The following EYS variants were observed in gnomAD, a reference collection of about 807,000 sequenced individuals.
EYS encodes the protein EGF-like photoreceptor maintenance factor.
Under a neutral mutation model 282.1 loss-of-function variants are expected in EYS, and 250 were observed. The observed-to-expected ratio is 0.89, with a 90% CI of 0.80 to 0.98. EYS has a LOEUF of 0.98. EYS is among the 50% of genes least tolerant of loss of function. The pLI, the probability that EYS is intolerant of heterozygous loss-of-function variation, is 0.00. For synonymous variants in EYS, 1,355 were observed against 1,282.9 expected (o/e 1.06, Z -1.20); for missense variants, 4,016 against 3,709.0 (o/e 1.08, Z -2.15).
rs560041695 is a variant in EYS at position 64,037,722 on chromosome 6, G to A, written c.6725+28616C>T. Among the ~76,000 whole-genome samples the A allele has an allele frequency of 8.5e-5, 13 of 152,196 alleles. No individual in the cohort carries two copies. The South Asian group carries it at 1.7e-3, about 19-fold the overall frequency. The stretch of plus-strand genomic sequence containing the variant: ...TGCAGATGAGATGCTAGGTTGCTAC[G>A]GATTTACTAGCTATTCCATCTGTCA... On this transcript the variant is annotated intron_variant, in intron 33 of 42. Coordinates refer to ENST00000503581, the MANE Select transcript of EYS (RefSeq NM_001142800.2).
intron 41 of EYS, among the ~76,000 whole-genome samples, chr6:63,753,528 T>G (rs1012683678): frequency 6.6e-6 from 1 of 152,160 alleles, no homozygotes; most frequent in Admixed American, 6.6e-5. Flanking sequence ...CTTCTTCACA[T>G]AGTGGCAGGA....
intron 26 of EYS, among the ~76,000 whole-genome samples, chr6:64,460,310 G>A (rs889507785): frequency 1.3e-5 from 2 of 152,132 alleles, no homozygotes; most frequent in African/African-American, 4.8e-5. Flanking sequence ...GAAAATTAAG[G>A]ACTTAACAAG....
At chr6:64,485,383 A>C (rs571044716) in intron 26 of EYS, among the ~76,000 whole-genome samples, 1 of 151,780 alleles carries the variant, frequency 6.6e-6, no homozygotes, top group African/African-American at 2.4e-5. Flanking sequence ...TAATTCTCCA[A>C]CTGAAAGAAA....
chr6:65,464,796 T>C (rs1161253623), intron 5 of EYS, among the ~76,000 whole-genome samples: 1 of 152,156 alleles, frequency 6.6e-6, no homozygotes, highest in East Asian at 1.9e-4. Flanking sequence ...AGAGAATCTG[T>C]AGATGTTCAA....
intron 2 of EYS, among the ~76,000 whole-genome samples, chr6:65,557,623 T>C (rs930824048): frequency 3.9e-5 from 6 of 152,112 alleles, no homozygotes; most frequent in African/African-American, 1.4e-4. Flanking sequence ...CTCTTTACTC[T>C]TACAGTCTGG....
chr6:65,546,020 T>A (rs1488153308), intron 2 of EYS, among the ~76,000 whole-genome samples: 1 of 150,898 alleles, frequency 6.6e-6, no homozygotes, highest in Non-Finnish European at 1.5e-5. Context: ...TTTAACTTTT[T>A]TTTGTTGTTT....
At chr6:63,793,315 G>T (rs1770563474) in intron 37 of EYS, among the ~76,000 whole-genome samples, 1 of 152,256 alleles carries the variant, frequency 6.6e-6, no homozygotes, top group South Asian at 2.1e-4. Flanking sequence ...AGTAGCCAAA[G>T]GTCGAGAGTG....
intron 12 of EYS, among the ~76,000 whole-genome samples, chr6:65,286,458 T>G (rs2150279493): frequency 6.6e-6 from 1 of 151,884 alleles, no homozygotes; most frequent in South Asian, 2.1e-4. Flanking sequence ...GATTCTTGAT[T>G]AAATTTTTAA....
intron 33 of EYS, among the ~76,000 whole-genome samples, chr6:64,003,293 G>A (rs1768184753): frequency 6.6e-6 from 1 of 152,178 alleles, no homozygotes; most frequent in African/African-American, 2.4e-5. Context: ...GGTTACCAGA[G>A]GCTGAGAAGT....
chr6:65,072,733 GA>G (rs1379373757), intron 12 of EYS, among the ~76,000 whole-genome samples: 1 of 151,026 alleles, frequency 6.6e-6, no homozygotes, highest in African/African-American at 2.4e-5. Context: ...ATCACAAAGT[GA>G]AAACTTTCAG....
intron 28 of EYS, among the ~76,000 whole-genome samples, chr6:64,394,205 C>T (rs980391981): frequency 1.3e-5 from 2 of 152,130 alleles, no homozygotes; most frequent in Non-Finnish European, 2.9e-5. Flanking sequence ...GGCCATACTG[C>T]CCAAGGTAAT....
chr6:64,556,775 A>C (rs1281224747), intron 26 of EYS, among the ~76,000 whole-genome samples: 1 of 151,894 alleles, frequency 6.6e-6, no homozygotes. Context: ...AAATTTACAA[A>C]ACCTTTTCAG....
chr6:65,171,888 A>G lies in EYS; in HGVS notation c.2024-114161T>C, dbSNP rs532203553. On this transcript the variant is annotated intron_variant, in intron 12 of 42. Coordinates refer to ENST00000503581, the MANE Select transcript of EYS (RefSeq NM_001142800.2). Reference sequence around the variant, plus strand: ...TGTTGTATTTTATTTAATTAAAAACAGTTGTTTTAACTTACTTTTAATTTT... The same window carrying G: ...TGTTGTATTTTATTTAATTAAAAACGGTTGTTTTAACTTACTTTTAATTTT... 1.2e-3 allele frequency among the ~76,000 whole-genome samples: 189 copies of G among 151,688 alleles called. 2 individuals are homozygous for G. Among genetic ancestry groups the G allele is most frequent in the African/African-American group, 4.3e-3 (178 of 41,470 alleles).
rs114138017 is a variant in EYS at position 63,991,631 on chromosome 6, C to T, written c.6835-7028G>A. On this transcript the variant is annotated intron_variant, in intron 34 of 42. Transcript: ENST00000503581. ...AAGAAAGAATCATAAAATTCAAAGA[C>T]GGATCACTTGGATGTCTCAAAAGGA... Among the ~76,000 whole-genome samples the T allele has an allele frequency of 8.3e-3, 1,257 of 151,250 alleles. 13 individuals are homozygous for T. Among genetic ancestry groups the T allele is most frequent in the African/African-American group, 0.028 (1,138 of 41,296 alleles).
intron 22 of EYS, among the ~76,000 whole-genome samples, chr6:64,650,442 C>G (rs948795280): frequency 6.6e-6 from 1 of 151,502 alleles, no homozygotes; most frequent in Non-Finnish European, 1.5e-5. Flanking sequence ...AAAGAGAAAC[C>G]CCAAAAAGAA....
chr6:65,637,370 T>C (rs1361097974), intron 2 of EYS, among the ~76,000 whole-genome samples: 1 of 152,216 alleles, frequency 6.6e-6, no homozygotes, highest in Non-Finnish European at 1.5e-5. Context: ...TAACTAGTGA[T>C]GGAAGTGACG....
chr6:63,974,235 G>T (rs1285154711), intron 35 of EYS, among the ~76,000 whole-genome samples: 1 of 151,504 alleles, frequency 6.6e-6, no homozygotes, highest in Non-Finnish European at 1.5e-5. Flanking sequence ...GCATTTTTTT[G>T]GTGCATGAAT....
rs1170065758 is a variant in EYS, at chr6:63,909,175, T to C, written c.7056-44817A>G. 2.0e-5 allele frequency among the ~76,000 whole-genome samples: 3 copies of C among 152,308 alleles called. No individual in the cohort carries two copies. In the South Asian group the frequency reaches 6.2e-4, roughly 32 times the overall value. The stretch of plus-strand genomic sequence containing the variant: ...TTCTGAAAATGCCCTCTATGTGGCC[T>C]TCTGATTTTTATGGAAATCCTTAAT... On this transcript the variant is annotated intron_variant, in intron 35 of 42. Transcript: ENST00000503581.
rs1766037188 is a variant in EYS, at chr6:64,855,662, C to T, written c.2992+31035G>A. Among the ~76,000 whole-genome samples the T allele has an allele frequency of 2.0e-5, 3 of 152,102 alleles. No individual in the cohort carries two copies. The South Asian group carries it at 6.2e-4, about 32-fold the overall frequency. ...AGTTCATAGATTATATTAGGGTTCT[C>T]TCTATGGGTTGTATAGTTGTTTGGG... On this transcript the variant is annotated intron_variant, in intron 19 of 42. Transcript: ENST00000503581.
Sources: allele counts gnomAD v4.1 joint callset (sites outside exome capture counted in the v4.1 genomes callset), GRCh38; gene constraint gnomAD v4.1.1; transcripts MANE v1.5; gene names NCBI Gene and HGNC (gene_info 2026-07-23, HGNC 2026-07-21).